The following STRBP variants were observed in gnomAD, a reference collection of about 807,000 sequenced individuals.
STRBP encodes the protein spermatid perinuclear RNA binding protein.
In STRBP, 13 loss-of-function variants were observed where a neutral mutation model predicts 80.1. The ratio of observed to expected loss-of-function variants is 0.16; its 90% CI spans 0.11 to 0.26. STRBP has a LOEUF of 0.26. Ranked by LOEUF, STRBP falls within the 10% of genes least tolerant of loss-of-function variation. The pLI, the probability that STRBP is intolerant of heterozygous loss-of-function variation, is 1.00. For missense variants in STRBP, 485 were observed against 815.2 expected (o/e 0.59, Z 4.93); for synonymous variants, 284 against 291.2 (o/e 0.98, Z 0.25).
Position 123,125,461 on chromosome 9 carries a change from A to G in STRBP, c.*136T>C, listed in dbSNP as rs1175316148. The stretch of plus-strand genomic sequence containing the variant: ...ACTAAATTTGCATTTGTTAAAATCA[A>G]AAAGTAGGAAAGATGTTCTTTACAA... On this transcript the variant is annotated 3_prime_UTR_variant, in exon 19 of 19. Transcript: ENST00000348403. 1.6e-6 allele frequency: 2 copies of G among 1,279,236 alleles called. No individual in the cohort carries two copies. Among genetic ancestry groups the G allele is most frequent in the Non-Finnish European group, 2.0e-6 (2 of 1,006,706 alleles). 79.2% of individuals were successfully genotyped at this position (1,279,236 alleles called of 1,614,324 possible).
chr9:123,189,466 A>AC (rs2038838049), intron 2 of STRBP, among the ~76,000 whole-genome samples: 1 of 127,390 alleles, frequency 7.8e-6, no homozygotes, highest in Non-Finnish European at 1.9e-5. Flanking sequence ...TATAATAATA[A>AC]TAAAAAAAAA....
chr9:123,164,522 A>T (rs2037669136), intron 6 of STRBP, among the ~76,000 whole-genome samples: 1 of 152,212 alleles, frequency 6.6e-6, no homozygotes, highest in Non-Finnish European at 1.5e-5. Context: ...AATGTTGGTC[A>T]GTTTCTCTCA....
At position 123,125,501 on chromosome 9, in the gene STRBP, G is replaced by C. The variant is rs1448298131; in HGVS notation, c.*96C>G. The C allele has an allele frequency of 7.4e-7, 1 of 1,347,630 alleles. No homozygotes were observed. Among genetic ancestry groups the C allele is most frequent in the African/African-American group, 1.5e-5 (1 of 66,916 alleles). The allele number at this position is 1,347,630 out of a possible 1,614,324, so 83.5% of individuals were successfully genotyped here. ...GTTCTTTACAAATAATTTTGATCAA[G>C]TATGTGTTCAAAGAAAGCAGGATAA... On this transcript the variant is annotated 3_prime_UTR_variant, in exon 19 of 19. Coordinates refer to ENST00000348403, the MANE Select transcript of STRBP (RefSeq NM_018387.5).
chr9:123,233,927 G>A (rs1051884731), intron 2 of STRBP, among the ~76,000 whole-genome samples: 3 of 152,152 alleles, frequency 2.0e-5, no homozygotes, highest in Admixed American at 6.5e-5. Flanking sequence ...TAGGCCGGGC[G>A]CGGTGGCTCA....
At chr9:123,156,570 G>A (rs942141066) in intron 11 of STRBP, among the ~76,000 whole-genome samples, 1 of 149,952 alleles carries the variant, frequency 6.7e-6, no homozygotes, top group Non-Finnish European at 1.5e-5. Context: ...TAAACACAAG[G>A]ATATAGAAAA....
intron 2 of STRBP, among the ~76,000 whole-genome samples, chr9:123,197,228 T>C (rs571759722): frequency 6.6e-6 from 1 of 152,274 alleles, no homozygotes; most frequent in African/African-American, 2.4e-5. Context: ...AGAATGATGG[T>C]TATCAGAGGC....
chr9:123,120,495 G>C (rs1240811311), downstream of STRBP, among the ~76,000 whole-genome samples: 3 of 132,428 alleles, frequency 2.3e-5, no homozygotes, highest in African/African-American at 8.2e-5. Flanking sequence ...GGGGGTGGGG[G>C]GGGGGGGGCA....
chr9:123,152,163 C>T (rs192760546), intron 11 of STRBP, among the ~76,000 whole-genome samples: 10 of 152,238 alleles, frequency 6.6e-5, no homozygotes, highest in Non-Finnish European at 1.0e-4. Context: ...TAAAACATTT[C>T]CACAAAGAAA....
At chr9:123,128,645 C>T (rs1222332915) in intron 17 of STRBP, among the ~76,000 whole-genome samples, 3 of 152,218 alleles carry the variant, frequency 2.0e-5, no homozygotes. Flanking sequence ...ATATAGTAGC[C>T]ACTCTCTAAA....
At chr9:123,234,614 G>T (rs1372326008) in intron 2 of STRBP, among the ~76,000 whole-genome samples, 3 of 152,078 alleles carry the variant, frequency 2.0e-5, no homozygotes, top group Non-Finnish European at 4.4e-5. Flanking sequence ...GTTTTGTTTT[G>T]TTTTTTCAAA....
At chr9:123,191,232 G>C (rs899119849) in intron 2 of STRBP, among the ~76,000 whole-genome samples, 5 of 152,110 alleles carry the variant, frequency 3.3e-5, no homozygotes, top group African/African-American at 9.7e-5. Context: ...ATAGTCAAGG[G>C]TTCACTGCAA....
At chr9:123,198,248 C>G (rs1407487272) in intron 2 of STRBP, among the ~76,000 whole-genome samples, 1 of 152,184 alleles carries the variant, frequency 6.6e-6, no homozygotes, top group Non-Finnish European at 1.5e-5. Context: ...TCAAGCAAAT[C>G]TCCCACCTCA....
chr9:123,173,680 A>G lies in STRBP; in HGVS notation c.387T>C (p.Ile129=). The G allele has an allele frequency of 6.2e-7, 1 of 1,609,630 alleles. No individual in the cohort carries two copies. Among genetic ancestry groups the G allele is most frequent in the Non-Finnish European group, 8.5e-7 (1 of 1,178,630 alleles). The change falls in exon 5 of 19, where the codon ATT becomes ATC. Residue 129 remains isoleucine, a synonymous_variant. Transcript: ENST00000348403. ...GGTGCAGTTAAACTGTACTCACCTG[A>G]ATCTGAATAGGAAGATTATCTTTGA... ...NTVKDNLPIQ[I]QKLTEEKYQV... is the part of the protein sequence containing the mutation.
rs561083123 is a variant in STRBP at position 123,115,285 on chromosome 9, G to C, written c.*84+644C>G. 10 of 471,114 alleles carry C rather than the reference G, an allele frequency of 2.1e-5. No homozygotes were observed. Among genetic ancestry groups the C allele is most frequent in the South Asian group, 1.5e-4 (10 of 64,560 alleles). The allele number at this position is 471,114 out of a possible 1,614,324, so 29.2% of individuals were successfully genotyped here. A position where few individuals can be genotyped will look rare whatever the true frequency, so the allele number is the denominator to read the frequency against. ...CTCAGTGGGAAGCCTATCGCTCTTGGTAAATTACTCAGTAAGCACTTCTCT... is the reference window on the plus strand; with the variant it reads ...CTCAGTGGGAAGCCTATCGCTCTTGCTAAATTACTCAGTAAGCACTTCTCT... On this transcript the variant is annotated intron_variant and NMD_transcript_variant, in intron 3 of 3. Transcript: ENST00000471564. This position sits in a 1 kb window ranked among gnomAD's most constrained non-coding sequence, Gnocchi z 5.0.
intron 2 of STRBP, among the ~76,000 whole-genome samples, chr9:123,230,569 C>G (rs1486704777): frequency 6.6e-6 from 1 of 152,196 alleles, no homozygotes; most frequent in Non-Finnish European, 1.5e-5. Context: ...AGATATATCA[C>G]AGACAGCTGC....
At chr9:123,139,280 G>A (rs1156543657) in intron 14 of STRBP, among the ~76,000 whole-genome samples, 1 of 152,060 alleles carries the variant, frequency 6.6e-6, no homozygotes, top group African/African-American at 2.4e-5. Flanking sequence ...TTCAAGTGTT[G>A]TGCAGTTTAC....
chr9:123,115,663 A>G lies in STRBP; in HGVS notation c.*84+266T>C, dbSNP rs932331454. On this transcript the variant is annotated intron_variant and NMD_transcript_variant, in intron 3 of 3. Transcript: ENST00000471564. This position sits in a 1 kb window ranked among gnomAD's most constrained non-coding sequence, Gnocchi z 5.0. ...AATCTACGTGCCCAAGAAGGGAGAC[A>G]TGGTCTTGGCAGCATCACCAGTCAA... The G allele has an allele frequency of 1.2e-5, 4 of 336,840 alleles. No individual in the cohort carries two copies. The highest frequency in any genetic ancestry group is 8.6e-5 in the African/African-American group (4 of 46,600). The allele number at this position is 336,840 out of a possible 1,614,324, so 20.9% of individuals were successfully genotyped here. A position where few individuals can be genotyped will look rare whatever the true frequency, so the allele number is the denominator to read the frequency against.
At chr9:123,113,349 C>T (rs2035598218) in intron 3 of STRBP, 2 of 167,252 alleles carry the variant, frequency 1.2e-5, no homozygotes, top group African/African-American at 2.4e-5. Context: ...CTATGCAGGC[C>T]TCCTCATTGT....
rs2035551397 is a variant in STRBP, at chr9:123,110,725, TG to T, written c.*85-973del. 1.8e-5 allele frequency: 3 copies of T among 169,322 alleles called. No homozygotes were observed. Among genetic ancestry groups the T allele is most frequent in the African/African-American group, 7.2e-5 (3 of 41,648 alleles). The allele number at this position is 169,322 out of a possible 1,614,324, so 10.5% of individuals were successfully genotyped here. On this transcript the variant is annotated intron_variant and NMD_transcript_variant, in intron 3 of 3. Transcript: ENST00000471564. The surrounding 1 kb of genome is among the most constrained non-coding windows in gnomAD (Gnocchi z 4.1). Reference sequence around the variant, plus strand: ...GAGAGCCAGAGCTACCCTTGGTTCCTGGGAGATGGAGAGAGCGAGGCCCTCT... The same window carrying T: ...GAGAGCCAGAGCTACCCTTGGTTCCTGGAGATGGAGAGAGCGAGGCCCTCT...
Sources: allele counts gnomAD v4.1 joint callset (sites outside exome capture counted in the v4.1 genomes callset), GRCh38; gene constraint gnomAD v4.1.1; non-coding constraint Gnocchi (gnomAD v3.1); transcripts MANE v1.5; gene names NCBI Gene and HGNC (gene_info 2026-07-23, HGNC 2026-07-21).